The following SYNPR variants were observed in gnomAD, a reference collection of about 807,000 sequenced individuals.
SYNPR encodes the protein synaptoporin.
In SYNPR, 23 loss-of-function variants were observed where a neutral mutation model predicts 32.9. The observed-to-expected ratio is 0.70, with a 90% confidence interval of 0.50 to 0.99. The LOEUF (loss-of-function observed/expected upper bound fraction) is 0.99. SYNPR is among the 50% of genes least tolerant of loss of function. The pLI is 0.00. For missense variants in SYNPR, 318 were observed against 349.3 expected, an observed-to-expected ratio of 0.91 and a Z score of 0.71; for synonymous variants, 146 against 135.9, an observed-to-expected ratio of 1.07 and a Z score of -0.52.
At chr3:63,612,029 A>G (rs1032417278) in intron 5 of SYNPR, among the ~76,000 whole-genome samples, 1 of 152,222 alleles carries the variant, frequency 6.6e-6, no homozygotes, top group African/African-American at 2.4e-5. Flanking sequence ...CTACCTTGGT[A>G]ACAAATTTAC....
chr3:63,298,409 G>A (rs2086811756), intron 2 of SYNPR, among the ~76,000 whole-genome samples: 1 of 152,046 alleles, frequency 6.6e-6, no homozygotes, highest in Non-Finnish European at 1.5e-5. Flanking sequence ...GCACCGATGA[G>A]GGTAATTTGT....
intron 3 of SYNPR, among the ~76,000 whole-genome samples, chr3:63,540,891 T>TAC (rs34925541): frequency 0.045 from 5,583 of 122,792 alleles, 282 homozygotes; most frequent in African/African-American, 0.13. Context: ...CTATCACTCC[T>TAC]ACACACACAC....
At chr3:63,531,123 G>A (rs1702105665) in intron 3 of SYNPR, among the ~76,000 whole-genome samples, 1 of 152,198 alleles carries the variant, frequency 6.6e-6, no homozygotes, top group Non-Finnish European at 1.5e-5. Context: ...CAGGCACATA[G>A]TGGACCGCGA....
intron 2 of SYNPR, among the ~76,000 whole-genome samples, chr3:63,314,099 C>CCATATATATATATATCCATATATATATAT (rs1560189224): frequency 3.6e-5 from 4 of 111,276 alleles, no homozygotes; most frequent in Non-Finnish European, 5.6e-5. Flanking sequence ...ATATATATAT[C>CCATATATATATATATCCATATATATATAT]ACAGTTTCTT....
intron 4 of SYNPR, among the ~76,000 whole-genome samples, chr3:63,599,685 C>T (rs1005176112): frequency 2.0e-5 from 3 of 152,176 alleles, no homozygotes; most frequent in African/African-American, 7.2e-5. Flanking sequence ...TCCTCTAACA[C>T]ATGTTAATCT....
intron 2 of SYNPR, among the ~76,000 whole-genome samples, chr3:63,435,492 A>G (rs952130291): frequency 2.6e-5 from 4 of 152,210 alleles, no homozygotes; most frequent in Non-Finnish European, 5.9e-5. Context: ...TTTTGTTCAA[A>G]TGCAGTCATG....
chr3:63,331,392 G>A (rs1003617744), intron 2 of SYNPR, among the ~76,000 whole-genome samples: 3 of 152,284 alleles, frequency 2.0e-5, no homozygotes, highest in African/African-American at 7.2e-5. Context: ...TCATGAGCAA[G>A]TGCAGTCTTT....
At chr3:63,486,977 G>T (rs1701167971) in intron 3 of SYNPR, among the ~76,000 whole-genome samples, 2 of 152,072 alleles carry the variant, frequency 1.3e-5, no homozygotes, top group Non-Finnish European at 2.9e-5. Flanking sequence ...ATGAAATCTG[G>T]TTAGACATAG....
At chr3:63,506,373 A>G (rs1331816282) in intron 3 of SYNPR, among the ~76,000 whole-genome samples, 1 of 152,192 alleles carries the variant, frequency 6.6e-6, no homozygotes, top group Non-Finnish European at 1.5e-5. Context: ...TGTATGCCAC[A>G]AAATTTTCCT....
intron 2 of SYNPR, among the ~76,000 whole-genome samples, chr3:63,327,002 G>C (rs1167048561): frequency 6.9e-6 from 1 of 144,016 alleles, no homozygotes; most frequent in Non-Finnish European, 1.5e-5. Context: ...TTTCCTCATA[G>C]AAAAAAAAAA....
At chr3:63,323,218 T>C (rs1287111660) in intron 2 of SYNPR, among the ~76,000 whole-genome samples, 2 of 152,018 alleles carry the variant, frequency 1.3e-5, no homozygotes, top group Non-Finnish European at 2.9e-5. Flanking sequence ...TCCTTTCTCA[T>C]AAGGGCATAA....
chr3:63,429,624 C>CTTG, intron 2 of SYNPR, among the ~76,000 whole-genome samples: 1 of 152,328 alleles, frequency 6.6e-6, no homozygotes, highest in Middle Eastern at 3.4e-3. Flanking sequence ...AAATGTATAA[C>CTTG]TTGTTGACAT....
At chr3:63,239,374 G>A (rs536359981) in intron 1 of SYNPR, among the ~76,000 whole-genome samples, 9 of 151,342 alleles carry the variant, frequency 5.9e-5, no homozygotes, top group East Asian at 2.1e-4. Flanking sequence ...TCCTATCATT[G>A]TCAAGTGTGT....
chr3:63,337,276 C>A (rs1303752131), intron 2 of SYNPR, among the ~76,000 whole-genome samples: 3 of 143,268 alleles, frequency 2.1e-5, no homozygotes, highest in African/African-American at 7.7e-5. Flanking sequence ...CATAAAATGT[C>A]ATTATAGAAC....
At chr3:63,570,106 T>C (rs1702860297) in intron 4 of SYNPR, among the ~76,000 whole-genome samples, 1 of 152,184 alleles carries the variant, frequency 6.6e-6, no homozygotes, top group African/African-American at 2.4e-5. Context: ...AAGACCAAAC[T>C]ACATGGGATT....
At chr3:63,227,311 T>C (rs2086135609), upstream of SYNPR, among the ~76,000 whole-genome samples, 1 of 152,192 alleles carries the variant, frequency 6.6e-6, no homozygotes, top group Non-Finnish European at 1.5e-5. Flanking sequence ...GTAAACAATC[T>C]TCCCAGAATC....
intron 2 of SYNPR, among the ~76,000 whole-genome samples, chr3:63,280,194 T>A (rs1304753539): frequency 6.6e-6 from 1 of 152,234 alleles, no homozygotes; most frequent in Non-Finnish European, 1.5e-5. Flanking sequence ...TATTAGTTCG[T>A]GTACACACCA....
chr3:63,305,606 T>C (rs2086901569), intron 2 of SYNPR, among the ~76,000 whole-genome samples: 1 of 151,988 alleles, frequency 6.6e-6, no homozygotes, highest in Admixed American at 6.6e-5. Context: ...TTAATACATA[T>C]ACACTTCGGT....
At chr3:63,452,364 T>C (rs1156594509) in intron 2 of SYNPR, among the ~76,000 whole-genome samples, 2 of 152,188 alleles carry the variant, frequency 1.3e-5, no homozygotes, top group African/African-American at 4.8e-5. Context: ...CCATCTTGGG[T>C]ACTAATTATG....
Sources: gnomAD v4.1 joint callset for allele counts (sites outside exome capture counted in the v4.1 genomes callset) on GRCh38, gnomAD v4.1.1 for gene constraint, MANE v1.5 for transcripts, NCBI Gene and HGNC (gene_info 2026-07-23, HGNC 2026-07-21) for gene names.